THSD7B: variants seen among roughly 807,000 people sequenced by gnomAD.
THSD7B encodes thrombospondin type-1 domain-containing protein 7B.
Under a neutral mutation model 213.6 loss-of-function variants are expected in THSD7B, and 138 were observed. The ratio of observed to expected loss-of-function variants is 0.65; its 90% CI spans 0.56 to 0.74. The LOEUF (loss-of-function observed/expected upper bound fraction) is 0.74, where lower values mean the gene tolerates loss of function less well. THSD7B is among the 30% of genes least tolerant of loss of function. The probability of loss-of-function intolerance (pLI) is 0.00; values close to 1 mark genes in which losing one functional copy is unlikely to be tolerated. For missense variants in THSD7B, 1,931 were observed against 1,991.5 expected (o/e 0.97, Z 0.58); for synonymous variants, 742 against 687.0 (o/e 1.08, Z -1.25).
At chr2:137,414,408 G>GTA (rs139229283) in intron 14 of THSD7B, among the ~76,000 whole-genome samples, 21 of 151,422 alleles carry the variant, frequency 1.4e-4, no homozygotes, top group South Asian at 2.1e-4. Flanking sequence ...GTGTGTGTGT[G>GTA]TATATATATA....
intron 6 of THSD7B, among the ~76,000 whole-genome samples, chr2:137,162,519 G>GA (rs34045457): frequency 6.6e-6 from 1 of 151,776 alleles, no homozygotes; most frequent in Non-Finnish European, 1.5e-5. Context: ...GACTCCCTCA[G>GA]AAAAAAAATG....
intron 2 of THSD7B, among the ~76,000 whole-genome samples, chr2:136,975,651 G>A (rs1033599164): frequency 6.6e-6 from 1 of 151,970 alleles, no homozygotes; most frequent in African/African-American, 2.4e-5. Flanking sequence ...TTTTCTTAAG[G>A]TTGTCTTGGA....
chr2:137,340,987 T>G (rs1027460242), intron 12 of THSD7B, among the ~76,000 whole-genome samples: 12 of 149,622 alleles, frequency 8.0e-5, no homozygotes, highest in African/African-American at 1.5e-4. Context: ...TTTTGTTTTT[T>G]TTTTTTTTTT....
intron 12 of THSD7B, among the ~76,000 whole-genome samples, chr2:137,382,637 G>A (rs1685803387): frequency 6.6e-6 from 1 of 152,242 alleles, no homozygotes; most frequent in African/African-American, 2.4e-5. Context: ...TGGGATGGGT[G>A]CATTCATGCA....
chr2:137,076,539 G>A (rs563713059), intron 3 of THSD7B, among the ~76,000 whole-genome samples: 32 of 152,344 alleles, frequency 2.1e-4, no homozygotes, highest in African/African-American at 7.2e-4. Context: ...TGTGCTTCCC[G>A]GGTGAGGCGA....
intron 12 of THSD7B, among the ~76,000 whole-genome samples, chr2:137,284,010 C>T (rs1044027663): frequency 5.9e-5 from 9 of 152,126 alleles, no homozygotes; most frequent in Non-Finnish European, 1.3e-4. Context: ...TAGAATTCAG[C>T]TGTGAATCCA....
chr2:137,404,268 G>A (rs1423010480), intron 12 of THSD7B, among the ~76,000 whole-genome samples: 1 of 151,218 alleles, frequency 6.6e-6, no homozygotes, highest in Admixed American at 6.6e-5. Context: ...ATTACCATTT[G>A]ATCCATCAGT....
intron 17 of THSD7B, among the ~76,000 whole-genome samples, chr2:137,612,486 G>A (rs914962149): frequency 7.2e-5 from 11 of 152,158 alleles, no homozygotes; most frequent in African/African-American, 2.7e-4. Context: ...CCATTTATTT[G>A]TCATTTGTCA....
chr2:137,298,762 C>A (rs951093129), intron 12 of THSD7B, among the ~76,000 whole-genome samples: 1 of 152,138 alleles, frequency 6.6e-6, no homozygotes, highest in African/African-American at 2.4e-5. Context: ...TGGTGTTGAG[C>A]CTGCGGGTGC....
At chr2:137,344,872 A>C (rs1421566703) in intron 12 of THSD7B, among the ~76,000 whole-genome samples, 1 of 151,648 alleles carries the variant, frequency 6.6e-6, no homozygotes, top group Admixed American at 6.6e-5. Context: ...GGCAGTGATG[A>C]GGGGATATAT....
intron 2 of THSD7B, among the ~76,000 whole-genome samples, chr2:137,036,605 C>A (rs914143462): frequency 2.0e-5 from 3 of 152,086 alleles, no homozygotes; most frequent in Admixed American, 2.0e-4. Context: ...TTTTCCAATA[C>A]CTCTATTACT....
At chr2:137,020,181 C>A (rs1257581852) in intron 2 of THSD7B, among the ~76,000 whole-genome samples, 2 of 152,074 alleles carry the variant, frequency 1.3e-5, no homozygotes, top group Admixed American at 1.3e-4. Context: ...TTATCAAGAC[C>A]CTACTAAAAG....
intron 2 of THSD7B, among the ~76,000 whole-genome samples, chr2:137,031,912 G>A (rs1558893662): frequency 2.7e-5 from 4 of 148,914 alleles, no homozygotes; most frequent in East Asian, 2.0e-4. Flanking sequence ...CATGCTCACC[G>A]CTCACTACAG....
intron 1 of THSD7B, among the ~76,000 whole-genome samples, chr2:136,799,376 G>A (rs902824423): frequency 5.3e-5 from 8 of 151,854 alleles, no homozygotes; most frequent in Non-Finnish European, 1.0e-4. Context: ...ATTGATTAGA[G>A]CCTATATATT....
At chr2:136,835,842 C>G (rs1682833125) in intron 1 of THSD7B, among the ~76,000 whole-genome samples, 1 of 152,074 alleles carries the variant, frequency 6.6e-6, no homozygotes, top group African/African-American at 2.4e-5. Context: ...CTGAATCTAT[C>G]CCTGATAATG....
At chr2:136,824,812 C>G (rs960094060) in intron 1 of THSD7B, among the ~76,000 whole-genome samples, 1 of 152,176 alleles carries the variant, frequency 6.6e-6, no homozygotes, top group African/African-American at 2.4e-5. Context: ...ATTAACTTGC[C>G]TAGCAGTTGG....
At chr2:136,862,856 C>T (rs578072527) in intron 1 of THSD7B, among the ~76,000 whole-genome samples, 2 of 152,154 alleles carry the variant, frequency 1.3e-5, no homozygotes, top group Non-Finnish European at 2.9e-5. Context: ...GAGAGCTTGC[C>T]CTGTTTTCTA....
intron 3 of THSD7B, among the ~76,000 whole-genome samples, chr2:137,071,633 G>A (rs560091710): frequency 1.7e-3 from 263 of 152,162 alleles, no homozygotes; most frequent in Middle Eastern, 6.8e-3. Flanking sequence ...GTCCTTGCCT[G>A]TGCCTATGTC....
chr2:137,478,998 A>G (rs1688248500), intron 15 of THSD7B, among the ~76,000 whole-genome samples: 1 of 152,104 alleles, frequency 6.6e-6, no homozygotes, highest in African/African-American at 2.4e-5. Context: ...GCTGGCACTG[A>G]TGTTGGAAAG....
Sources: gnomAD v4.1 joint callset for allele counts (sites outside exome capture counted in the v4.1 genomes callset) on GRCh38, gnomAD v4.1.1 for gene constraint, MANE v1.5 for transcripts, NCBI Gene and HGNC (gene_info 2026-07-23, HGNC 2026-07-21) for gene names.